The following ADAM18 variants were observed in gnomAD, a reference collection of about 807,000 sequenced individuals.
ADAM18 encodes the protein disintegrin and metalloproteinase domain-containing protein 18.
Under a neutral mutation model 94.4 loss-of-function variants are expected in ADAM18, and 117 were observed. That is an observed-to-expected ratio of 1.24 (90% confidence interval 1.07 to 1.45). ADAM18 has a LOEUF of 1.45. ADAM18 is among the 40% of genes most tolerant of loss of function. The pLI is 0.00. For missense variants in ADAM18, 936 were observed against 880.0 expected, an observed-to-expected ratio of 1.06 and a Z score of -0.81; for synonymous variants, 327 against 291.6, an observed-to-expected ratio of 1.12 and a Z score of -1.24.
chr8:39,655,812 T>C (rs1185374687), intron 12 of ADAM18, among the ~76,000 whole-genome samples: 1 of 152,020 alleles, frequency 6.6e-6, no homozygotes, highest in Non-Finnish European at 1.5e-5. Context: ...AGTCAATTCA[T>C]AAAAATCAAA....
In ADAM18 at chr8:39,708,366, A is replaced by G. The variant is rs1320306168; in HGVS notation, c.2017+1462A>G. Among the ~76,000 whole-genome samples the G allele has an allele frequency of 3.3e-5, 5 of 152,358 alleles. No homozygotes were observed. The East Asian group carries it at 5.8e-4, about 18-fold the overall frequency. The stretch of plus-strand genomic sequence containing the variant: ...CATTCAACAAAATTTTTAAAATCTC[A>G]TATAGAATTATAAAAACTAAACAAA... On this transcript the variant is annotated intron_variant, in intron 18 of 19. Coordinates refer to ENST00000265707, the MANE Select transcript of ADAM18 (RefSeq NM_014237.3).
intron 14 of ADAM18, among the ~76,000 whole-genome samples, chr8:39,674,508 T>G (rs1299591546): frequency 6.6e-6 from 1 of 152,188 alleles, no homozygotes; most frequent in Non-Finnish European, 1.5e-5. Context: ...TTTGAGCCTA[T>G]GTGTGTCTTT....
intron 18 of ADAM18, among the ~76,000 whole-genome samples, chr8:39,717,290 T>A (rs1334103085): frequency 3.0e-5 from 1 of 33,570 alleles, no homozygotes; most frequent in Non-Finnish European, 6.8e-5. Flanking sequence ...GTGTATCTTG[T>A]AACGTATTTT....
chr8:39,653,586 G>A (rs1481431080), intron 12 of ADAM18, among the ~76,000 whole-genome samples: 1 of 152,164 alleles, frequency 6.6e-6, no homozygotes, highest in East Asian at 1.9e-4. Flanking sequence ...TTATTTAAAA[G>A]TTAAGGAATT....
At chr8:39,657,787 TGAATGAAAAAGACGTGAAAGAACA>T (rs1254880243) in intron 12 of ADAM18, among the ~76,000 whole-genome samples, 6 of 152,124 alleles carry the variant, frequency 3.9e-5, no homozygotes, top group African/African-American at 1.4e-4. Flanking sequence ...AATTGTATTT[TGAATGAAAAAGACGTGAAAGAACA>T]AAGCCTTTAT....
intron 16 of ADAM18, among the ~76,000 whole-genome samples, chr8:39,683,703 T>C (rs1821530396): frequency 6.6e-6 from 1 of 152,264 alleles, no homozygotes. Context: ...TGTATCCTCC[T>C]GAGTAAAGTA....
At chr8:39,653,978 C>T (rs1820613129) in intron 12 of ADAM18, among the ~76,000 whole-genome samples, 1 of 152,092 alleles carries the variant, frequency 6.6e-6, no homozygotes, top group African/African-American at 2.4e-5. Context: ...CATCCCACTT[C>T]CCTTCCCAGC....
chr8:39,728,694 A>G (rs2129582062), intron 19 of ADAM18, among the ~76,000 whole-genome samples: 1 of 152,310 alleles, frequency 6.6e-6, no homozygotes, highest in East Asian at 1.9e-4. Context: ...TTATGTTATT[A>G]TTGTTTGTAA....
At chr8:39,585,506 G>A (rs1012804506) in intron 2 of ADAM18, among the ~76,000 whole-genome samples, 154 bp downstream of exon 2, 2 of 152,002 alleles carry the variant, frequency 1.3e-5, no homozygotes, top group African/African-American at 4.8e-5. Flanking sequence ...TGATCCTCTT[G>A]TTCCCCCATT....
chr8:39,612,152 G>A (rs1819296342), intron 6 of ADAM18, among the ~76,000 whole-genome samples: 1 of 151,776 alleles, frequency 6.6e-6, no homozygotes, highest in Non-Finnish European at 1.5e-5. Flanking sequence ...AAGGGAGGGA[G>A]GAGAGCAAAG....
intron 12 of ADAM18, among the ~76,000 whole-genome samples, chr8:39,651,902 C>T (rs1221213543): frequency 6.6e-6 from 1 of 151,552 alleles, no homozygotes. Context: ...CATAAAAACA[C>T]ATAGATCAAT....
intron 2 of ADAM18, among the ~76,000 whole-genome samples, chr8:39,591,966 A>G (rs1192253988): frequency 6.6e-6 from 1 of 152,212 alleles, no homozygotes; most frequent in African/African-American, 2.4e-5. Flanking sequence ...TAGAGCTCCT[A>G]GGTGACCAGG....
At chr8:39,721,847 T>C (rs1822759019) in intron 18 of ADAM18, among the ~76,000 whole-genome samples, 1 of 151,336 alleles carries the variant, frequency 6.6e-6, no homozygotes, top group African/African-American at 2.4e-5. Context: ...AGTATGAAGA[T>C]TTCTTAAAGA....
Position 39,667,985 on chromosome 8 carries a change from C to CAA in ADAM18, c.1327-13_1327-12insAA, listed in dbSNP as rs1270540191. 6.2e-7 allele frequency: 1 copy of CAA among 1,609,500 alleles called. No homozygotes were observed. Among genetic ancestry groups the CAA allele is most frequent in the South Asian group, 1.1e-5 (1 of 90,316 alleles). On this transcript the variant is annotated splice_polypyrimidine_tract_variant and intron_variant, in intron 13 of 19. Transcript: ENST00000265707. ...TTTACAGAACTTAATTTTATTTTTC[C>CAA]TTTTCCTCCCAGTTGTCAATAGCAG...
At chr8:39,664,423 A>G (rs1820935658) in intron 13 of ADAM18, among the ~76,000 whole-genome samples, 1 of 152,200 alleles carries the variant, frequency 6.6e-6, no homozygotes, top group South Asian at 2.1e-4. Context: ...GAGTGCCCAT[A>G]GATTTAATAT....
chr8:39,684,460 G>A (rs1029348280), intron 16 of ADAM18, among the ~76,000 whole-genome samples: 2 of 152,246 alleles, frequency 1.3e-5, no homozygotes, highest in African/African-American at 4.8e-5. Context: ...ACTGGGGCAC[G>A]AACTGGGCCC....
rs191013110 is a variant in ADAM18, at chr8:39,595,899, T to A, written c.133-10408T>A. Reference sequence around the variant, plus strand: ...GTTTCCATTTCTCCAAAATTTTTTATTTTTATTTTTCAATTATATTCCCAG... The same window carrying A: ...GTTTCCATTTCTCCAAAATTTTTTAATTTTATTTTTCAATTATATTCCCAG... On this transcript the variant is annotated intron_variant, in intron 2 of 19. Transcript: ENST00000265707. Among the ~76,000 whole-genome samples the A allele has an allele frequency of 6.6e-5, 10 of 152,310 alleles. No individual in the cohort carries two copies. The East Asian group carries it at 1.9e-3, about 29-fold the overall frequency.
At chr8:39,605,290 G>A (rs901673386) in intron 2 of ADAM18, among the ~76,000 whole-genome samples, 2 of 152,058 alleles carry the variant, frequency 1.3e-5, no homozygotes, top group Admixed American at 6.6e-5. Flanking sequence ...GTCCAGTTAC[G>A]CCCCCCTGAA....
intron 2 of ADAM18, among the ~76,000 whole-genome samples, chr8:39,586,112 A>G (rs1818385017): frequency 1.3e-5 from 2 of 152,202 alleles, no homozygotes; most frequent in South Asian, 4.1e-4. Context: ...GAAAAGATTA[A>G]TCTATTAATT....
Sources: gnomAD v4.1 joint callset for allele counts (sites outside exome capture counted in the v4.1 genomes callset) on GRCh38, gnomAD v4.1.1 for gene constraint, MANE v1.5 for transcripts, NCBI Gene and HGNC (gene_info 2026-07-23, HGNC 2026-07-21) for gene names.